The following TRIM2 variants were observed in gnomAD, a reference collection of about 807,000 sequenced individuals.
TRIM2 encodes the protein tripartite motif containing 2.
In TRIM2, 20 loss-of-function variants were observed where a neutral mutation model predicts 75.2. That is an observed-to-expected ratio of 0.27 (90% confidence interval 0.19 to 0.39). TRIM2 has a LOEUF of 0.39. TRIM2 is among the 10% of genes least tolerant of loss of function. The pLI, the probability that TRIM2 is intolerant of heterozygous loss-of-function variation, is 1.00. For missense variants in TRIM2, 660 were observed against 990.8 expected (o/e 0.67, Z 4.48); for synonymous variants, 373 against 388.3 (o/e 0.96, Z 0.46).
rs989120034 is a variant in TRIM2, at chr4:153,338,586, T to G, written c.*3620T>G. ...AATCTAGTATTGCCATAAAGGAAAC[T>G]AAGTGCCCATCAAAGATTTGTTTGG... On this transcript the variant is annotated 3_prime_UTR_variant, in exon 12 of 12. Coordinates refer to ENST00000338700, the MANE Select transcript of TRIM2 (RefSeq NM_015271.5). 1.0e-6 allele frequency: 1 copy of G among 984,712 alleles called. No homozygotes were observed. The highest frequency in any genetic ancestry group is 1.2e-6 in the Non-Finnish European group (1 of 829,028). The allele number at this position is 984,712 out of a possible 1,614,324, so 61.0% of individuals were successfully genotyped here.
At chr4:153,233,526 C>T (rs1206380361) in intron 1 of TRIM2, among the ~76,000 whole-genome samples, 1 of 152,058 alleles carries the variant, frequency 6.6e-6, no homozygotes, top group African/African-American at 2.4e-5. Flanking sequence ...TTATATCACC[C>T]CCAAAATTCT....
In TRIM2 at chr4:153,234,643, C is replaced by T. The variant is rs574210969; in HGVS notation, c.30+30083C>T. ...GAGTCATTGTCTGTAAAATGAGGCT[C>T]ATAAGTTACCTACTCTGTATGGCTG... On this transcript the variant is annotated intron_variant, in intron 1 of 11. Transcript: ENST00000338700. 1.2e-3 allele frequency among the ~76,000 whole-genome samples: 177 copies of T among 152,276 alleles called. 1 individual carries two copies. Among genetic ancestry groups the T allele is most frequent in the African/African-American group, 4.2e-3 (176 of 41,566 alleles).
intron 1 of TRIM2, among the ~76,000 whole-genome samples, chr4:153,160,540 C>G (rs1027459784): frequency 6.6e-6 from 1 of 152,188 alleles, no homozygotes; most frequent in Non-Finnish European, 1.5e-5. Flanking sequence ...TCCCAAAGTG[C>G]TGGGATTATA....
At chr4:153,218,639 T>C (rs112038917) in intron 1 of TRIM2, among the ~76,000 whole-genome samples, 129 of 152,370 alleles carry the variant, frequency 8.5e-4, no homozygotes, top group African/African-American at 2.8e-3. Context: ...AAGTCTACCC[T>C]TTCCGTATAG....
intron 1 of TRIM2, among the ~76,000 whole-genome samples, chr4:153,210,877 T>A (rs1196247780): frequency 2.0e-5 from 3 of 152,146 alleles, no homozygotes; most frequent in African/African-American, 7.2e-5. Context: ...GTGTTGGAAC[T>A]GTGACAAGGA....
chr4:153,334,384 T>C (rs1189887861), intron 11 of TRIM2, among the ~76,000 whole-genome samples: 1 of 148,578 alleles, frequency 6.7e-6, no homozygotes, highest in African/African-American at 2.5e-5. Context: ...TTGTTTTGCT[T>C]TTTTTTTTTT....
chr4:153,233,793 T>C (rs1019656765), intron 1 of TRIM2, among the ~76,000 whole-genome samples: 2 of 152,200 alleles, frequency 1.3e-5, no homozygotes, highest in Non-Finnish European at 2.9e-5. Context: ...TATCTTTTTA[T>C]GGTTAATTCC....
chr4:153,327,023 A>C (rs1770386792), intron 10 of TRIM2, among the ~76,000 whole-genome samples: 1 of 151,708 alleles, frequency 6.6e-6, no homozygotes, highest in African/African-American at 2.4e-5. Context: ...CAAAATGACT[A>C]TTTGTAGGGC....
At chr4:153,241,680 C>T (rs377498484) in intron 1 of TRIM2, among the ~76,000 whole-genome samples, 1 of 152,140 alleles carries the variant, frequency 6.6e-6, no homozygotes, top group Non-Finnish European at 1.5e-5. Context: ...AAGAGCGCCT[C>T]GTTGCTCATG....
chr4:153,215,103 A>C lies in TRIM2; in HGVS notation c.30+10543A>C, dbSNP rs375640155. On this transcript the variant is annotated intron_variant, in intron 1 of 11. Coordinates refer to ENST00000338700, the MANE Select transcript of TRIM2 (RefSeq NM_015271.5). Reference sequence around the variant, plus strand: ...CAGGCAGATGCAACTTGCAAATCACACTAACTCGAACATACACTTCAGTGC... The same window carrying C: ...CAGGCAGATGCAACTTGCAAATCACCCTAACTCGAACATACACTTCAGTGC... 8.5e-5 allele frequency among the ~76,000 whole-genome samples: 13 copies of C among 152,326 alleles called. No individual in the cohort carries two copies. The South Asian group carries it at 2.5e-3, about 29-fold the overall frequency.
intron 6 of TRIM2, chr4:153,310,382 T>G (rs1174396649): frequency 6.6e-6 from 1 of 152,170 alleles, no homozygotes; most frequent in East Asian, 1.9e-4. Context: ...GAAACAGAAT[T>G]TACTGAAAAG....
chr4:153,163,375 G>A (rs1729935518), intron 1 of TRIM2, among the ~76,000 whole-genome samples: 1 of 151,078 alleles, frequency 6.6e-6, no homozygotes, highest in East Asian at 1.9e-4. Flanking sequence ...GTAGAGATGA[G>A]GTCTCACTAT....
At chr4:153,181,383 G>A (rs893878563) in intron 1 of TRIM2, among the ~76,000 whole-genome samples, 7 of 152,094 alleles carry the variant, frequency 4.6e-5, no homozygotes, top group African/African-American at 1.7e-4. Flanking sequence ...TTCAGGAGAG[G>A]GGAATGGTTC....
In TRIM2 at chr4:153,211,601, T is replaced by G. The variant is rs554240513; in HGVS notation, c.30+7041T>G. 1.9e-3 allele frequency among the ~76,000 whole-genome samples: 294 copies of G among 151,408 alleles called. 1 individual carries two copies. The highest frequency in any genetic ancestry group is 6.8e-3 in the African/African-American group (279 of 41,188). On this transcript the variant is annotated intron_variant, in intron 1 of 11. Coordinates refer to ENST00000338700, the MANE Select transcript of TRIM2 (RefSeq NM_015271.5). ...CTCCCAGACAGGTGATTCTCCCACCTTAGCCTCCCAAGTACCTGGGACTAC... is the reference window on the plus strand; with the variant it reads ...CTCCCAGACAGGTGATTCTCCCACCGTAGCCTCCCAAGTACCTGGGACTAC...
rs751455938 is a variant in TRIM2, at chr4:153,204,550, A to G, written c.20A>G (p.Tyr7Cys). The change falls in exon 1 of 12, where the codon TAT becomes TGT. Residue 7 changes from tyrosine to cysteine, a missense_variant. By Grantham distance (194) the Tyr-to-Cys change is radical. Around this residue, in one of 2 missense-constraint regions of TRIM2, gnomAD observed 620 missense variants for 891.0 expected, o/e 0.70. Coordinates refer to ENST00000338700, the MANE Select transcript of TRIM2 (RefSeq NM_015271.5). MHRSGR[Y>C]GTQQQRAGSK... ...TCTTCGATGCACAGGAGTGGCCGTTATGGAACGCAGGTAAGGACGCTTCTC... is the reference window on the plus strand; with the variant it reads ...TCTTCGATGCACAGGAGTGGCCGTTGTGGAACGCAGGTAAGGACGCTTCTC... The G allele has an allele frequency of 7.1e-6, 11 of 1,551,578 alleles. No individual in the cohort carries two copies. In the East Asian group the frequency reaches 1.7e-4, roughly 24 times the overall value.
chr4:153,182,006 T>G (rs961109478), intron 1 of TRIM2, among the ~76,000 whole-genome samples: 10 of 152,198 alleles, frequency 6.6e-5, no homozygotes, highest in African/African-American at 2.4e-4. Flanking sequence ...CCCTCAACTC[T>G]GATGCTTTCT....
intron 1 of TRIM2, among the ~76,000 whole-genome samples, chr4:153,180,603 A>G (rs55646529): frequency 0.24 from 35,849 of 152,134 alleles, 4,825 homozygotes; most frequent in African/African-American, 0.36. Context: ...TCAGCCTCCC[A>G]AGTAGCTGGG....
At chr4:153,321,658 C>G (rs1321534810) in intron 8 of TRIM2, among the ~76,000 whole-genome samples, 1 of 151,988 alleles carries the variant, frequency 6.6e-6, no homozygotes, top group Admixed American at 6.6e-5. Context: ...GTGTGTTGCC[C>G]CTGAGTACAC....
At chr4:153,272,776 G>T (rs1163790416) in intron 2 of TRIM2, among the ~76,000 whole-genome samples, 1 of 151,748 alleles carries the variant, frequency 6.6e-6, no homozygotes, top group African/African-American at 2.4e-5. Context: ...CAGCCGAGAA[G>T]ATTTCTGTTT....
Sources: allele counts gnomAD v4.1 joint callset (sites outside exome capture counted in the v4.1 genomes callset), GRCh38; gene constraint gnomAD v4.1.1; regional missense constraint gnomAD v4.1.1; transcripts MANE v1.5; gene names NCBI Gene and HGNC (gene_info 2026-07-23, HGNC 2026-07-21).